CELF2: variants seen among roughly 807,000 people sequenced by gnomAD.
CELF2 encodes the protein CUGBP Elav-like family member 2.
Under a neutral mutation model 62.6 loss-of-function variants are expected in CELF2, and 8 were observed. The observed-to-expected ratio is 0.13, with a 90% CI of 0.07 to 0.23. The LOEUF is 0.23. Among genes scored for constraint, CELF2 ranks in the 10% least tolerant of loss-of-function variants. The pLI, the probability that CELF2 is intolerant of heterozygous loss-of-function variation, is 1.00. For missense variants in CELF2, 333 were observed against 671.0 expected (o/e 0.50, Z 5.56); for synonymous variants, 258 against 250.0 (o/e 1.03, Z -0.30).
Position 11,243,587 on chromosome 10 carries a change from G to T in CELF2, c.355-5566G>T, listed in dbSNP as rs551818012. On this transcript the variant is annotated intron_variant, in intron 3 of 12. Coordinates refer to ENST00000633077, the MANE Select transcript of CELF2 (RefSeq NM_001326342.2). This position sits in a 1 kb window ranked among gnomAD's most constrained non-coding sequence, Gnocchi z 4.1. ...CCAGAGATCTCCTGTCGTCTTCCAG[G>T]CTTGCTGCAAGTGCAGCTGAGATGA... Among the ~76,000 whole-genome samples the T allele has an allele frequency of 1.6e-4, 25 of 152,290 alleles. No homozygotes were observed. The East Asian group carries it at 4.8e-3, about 29-fold the overall frequency.
chr10:10,920,721 G>T (rs2064814557), intron 2 of CELF2, among the ~76,000 whole-genome samples: 1 of 150,012 alleles, frequency 6.7e-6, no homozygotes, highest in Admixed American at 6.7e-5. Context: ...GAAGGAGGAA[G>T]GGAGGAAAGG....
intron 11 of CELF2, among the ~76,000 whole-genome samples, chr10:11,322,472 T>C (rs1252031063): frequency 6.6e-6 from 1 of 152,252 alleles, no homozygotes; most frequent in Non-Finnish European, 1.5e-5. Flanking sequence ...TGCTGAATGA[T>C]ATTTTTTTCT....
intron 1 of CELF2, among the ~76,000 whole-genome samples, chr10:11,060,109 A>G (rs2066376027): frequency 6.6e-6 from 1 of 152,228 alleles, no homozygotes; most frequent in Non-Finnish European, 1.5e-5. Context: ...TGGAGATTAC[A>G]GTATTTGAAG....
intron 2 of CELF2, among the ~76,000 whole-genome samples, chr10:10,981,455 A>G (rs1413749728): frequency 1.3e-5 from 2 of 152,232 alleles, no homozygotes; most frequent in African/African-American, 4.8e-5. Flanking sequence ...AGCGACGGTA[A>G]TTTGCACAAG....
intron 1 of CELF2, among the ~76,000 whole-genome samples, chr10:11,112,810 G>A (rs2055540256): frequency 6.6e-6 from 1 of 152,234 alleles, no homozygotes; most frequent in Non-Finnish European, 1.5e-5. Context: ...GGAACCATGA[G>A]TAAACGCAGT....
chr10:10,988,267 A>G (rs920523326), intron 2 of CELF2, among the ~76,000 whole-genome samples: 4 of 146,832 alleles, frequency 2.7e-5, no homozygotes, highest in Admixed American at 2.0e-4. Context: ...ATACATATAT[A>G]TGTGTGTGTG....
At chr10:11,050,977 A>G (rs1390922918) in intron 1 of CELF2, among the ~76,000 whole-genome samples, 1 of 152,202 alleles carries the variant, frequency 6.6e-6, no homozygotes, top group Non-Finnish European at 1.5e-5. Context: ...AGTGATAATA[A>G]TAAAACTCCG....
intron 2 of CELF2, among the ~76,000 whole-genome samples, chr10:10,948,634 C>T (rs2047961227): frequency 1.3e-5 from 2 of 152,084 alleles, no homozygotes; most frequent in African/African-American, 4.8e-5. Context: ...TGAAGCCCCC[C>T]TAGGCTGGGA....
the CELF2 span, among the ~76,000 whole-genome samples, chr10:10,508,667 T>C: frequency 2.5e-5 from 1 of 39,218 alleles, no homozygotes; most frequent in Non-Finnish European, 5.5e-5. Context: ...CAGATGTGTG[T>C]GTGTGTGTGT....
At chr10:10,595,973 A>C in the CELF2 span, among the ~76,000 whole-genome samples, 2 of 152,200 alleles carry the variant, frequency 1.3e-5, no homozygotes, top group Admixed American at 1.3e-4. Context: ...GGTCACTCTG[A>C]TCTGCAGAAG....
At chr10:10,501,630 T>G in the CELF2 span, among the ~76,000 whole-genome samples, 1 of 152,184 alleles carries the variant, frequency 6.6e-6, no homozygotes, top group East Asian at 1.9e-4. Context: ...AACTGATTTT[T>G]ATATATTTAT....
In CELF2 at chr10:11,165,730, G is replaced by T. The variant is rs779257064; in HGVS notation, c.271+48G>T. ...CGCCAGGCGTCCAGGTGGGCGTCGC[G>T]GGGCACTGGGGCTGTCCGAGCCCCC... On this transcript the variant is annotated intron_variant, in intron 2 of 12. Transcript: ENST00000633077. This position sits in a 1 kb window ranked among gnomAD's most constrained non-coding sequence, Gnocchi z 7.4. 2.6e-6 allele frequency: 4 copies of T among 1,523,996 alleles called. No individual in the cohort carries two copies. In the South Asian group the frequency reaches 4.7e-5, roughly 18 times the overall value. The allele number at this position is 1,523,996 out of a possible 1,614,324, so 94.4% of individuals were successfully genotyped here.
intron 3 of CELF2, among the ~76,000 whole-genome samples, chr10:11,231,851 A>G (rs191427809): frequency 7.3e-5 from 11 of 151,688 alleles, no homozygotes; most frequent in African/African-American, 2.7e-4. Context: ...CCTGCAGTGC[A>G]CTCAAAGGCA....
chr10:10,480,622 G>A, the CELF2 span, among the ~76,000 whole-genome samples: 22 of 152,246 alleles, frequency 1.4e-4, no homozygotes, highest in East Asian at 4.2e-3. Context: ...TGCTATAAAG[G>A]ACATAGATGG....
the CELF2 span, among the ~76,000 whole-genome samples, chr10:10,659,675 T>A: frequency 6.6e-6 from 1 of 152,162 alleles, no homozygotes; most frequent in Non-Finnish European, 1.5e-5. Context: ...AGAATTGACT[T>A]CCAGACACAC....
the CELF2 span, among the ~76,000 whole-genome samples, chr10:10,666,863 AAAAAAAAAAAAAAAAAG>A: frequency 6.9e-6 from 1 of 145,912 alleles, no homozygotes; most frequent in African/African-American, 2.5e-5. Flanking sequence ...CTCCGTCTCA[AAAAAAAAAAAAAAAAAG>A]AAAAAAAAAA....
the CELF2 span, among the ~76,000 whole-genome samples, chr10:10,610,998 TG>T: frequency 6.6e-6 from 1 of 152,130 alleles, no homozygotes. Context: ...GATTGGAAAA[TG>T]GGGATGAGGC....
At chr10:10,628,468 C>T in the CELF2 span, among the ~76,000 whole-genome samples, 19 of 152,006 alleles carry the variant, frequency 1.2e-4, no homozygotes, top group Admixed American at 6.6e-5. Context: ...AAGTGGGGAG[C>T]AGGATCTCCA....
chr10:10,565,805 T>A, the CELF2 span, among the ~76,000 whole-genome samples: 1 of 152,222 alleles, frequency 6.6e-6, no homozygotes, highest in East Asian at 1.9e-4. Context: ...AGCTTCATAT[T>A]AAGGTAATAG....
Sources: gnomAD v4.1 joint callset for allele counts (sites outside exome capture counted in the v4.1 genomes callset) on GRCh38, gnomAD v4.1.1 for gene constraint, Gnocchi (gnomAD v3.1) non-coding constraint, MANE v1.5 for transcripts, NCBI Gene and HGNC (gene_info 2026-07-23, HGNC 2026-07-21) for gene names.